Variants in NPAS3 observed in about 807,000 individuals in gnomAD.
NPAS3 encodes the protein neuronal PAS domain-containing protein 3.
In NPAS3, 14 loss-of-function variants were observed where a neutral mutation model predicts 73.1. That is an observed-to-expected ratio of 0.19 (90% CI 0.13 to 0.30). NPAS3 has a LOEUF of 0.30. NPAS3 is among the 10% of genes least tolerant of loss of function. The pLI, the probability that NPAS3 is intolerant of heterozygous loss-of-function variation, is 1.00. For synonymous variants in NPAS3, 620 were observed against 541.5 expected (o/e 1.14, Z -2.01); for missense variants, 1,096 against 1,250.0 (o/e 0.88, Z 1.86).
exon 9 of NPAS3, chr14:33,778,496 A>G (rs1161724809): frequency 1.2e-6 from 2 of 1,613,246 alleles, no homozygotes; most frequent in East Asian, 4.5e-5. Context: ...TGACCCCTGT[A>G]GATATCGTAG....
At chr14:33,072,285 G>A (rs1286028358) in intron 2 of NPAS3, among the ~76,000 whole-genome samples, 3 of 152,090 alleles carry the variant, frequency 2.0e-5, no homozygotes, top group Non-Finnish European at 4.4e-5. Flanking sequence ...ACTAATTTAT[G>A]GGAACCACAC....
chr14:33,008,262 A>T (rs1287173769), intron 1 of NPAS3, among the ~76,000 whole-genome samples: 2 of 152,226 alleles, frequency 1.3e-5, no homozygotes, highest in Non-Finnish European at 2.9e-5. Context: ...GTATTATTTT[A>T]CTGACAAGGA....
At chr14:33,425,710 A>T (rs2048528916) in intron 4 of NPAS3, among the ~76,000 whole-genome samples, 2 of 152,066 alleles carry the variant, frequency 1.3e-5, no homozygotes, top group Non-Finnish European at 2.9e-5. Context: ...GATTTTCCTC[A>T]TTCCTACTCT....
chr14:33,548,538 C>T (rs1048088691), intron 4 of NPAS3, among the ~76,000 whole-genome samples: 2 of 152,202 alleles, frequency 1.3e-5, no homozygotes, highest in Non-Finnish European at 2.9e-5. Context: ...ATTATTGGTA[C>T]AGCAAATCCC....
chr14:33,253,406 T>C (rs2048661461), intron 3 of NPAS3, among the ~76,000 whole-genome samples: 1 of 152,064 alleles, frequency 6.6e-6, no homozygotes, highest in Non-Finnish European at 1.5e-5. Flanking sequence ...ATTCCCAAGC[T>C]AGTGATTTTT....
chr14:33,774,125 C>CT (rs2062738154), intron 7 of NPAS3, among the ~76,000 whole-genome samples: 1 of 152,318 alleles, frequency 6.6e-6, no homozygotes, highest in African/African-American at 2.4e-5. Context: ...CATAAGAATG[C>CT]TGCCTTGAGG....
chr14:33,603,631 A>G (rs534756194), intron 5 of NPAS3, among the ~76,000 whole-genome samples: 1 of 152,338 alleles, frequency 6.6e-6, no homozygotes, highest in East Asian at 1.9e-4. Flanking sequence ...CAGATTTCTC[A>G]TAGGAAGTTG....
chr14:33,010,407 T>G (rs191350258), intron 1 of NPAS3, among the ~76,000 whole-genome samples: 1 of 152,324 alleles, frequency 6.6e-6, no homozygotes, highest in Admixed American at 6.5e-5. Flanking sequence ...GACAAGCCAG[T>G]TCTCCTTCAC....
At chr14:33,137,694 C>T (rs1232366760) in intron 2 of NPAS3, among the ~76,000 whole-genome samples, 1 of 152,108 alleles carries the variant, frequency 6.6e-6, no homozygotes, top group African/African-American at 2.4e-5. Context: ...ATTTATAATA[C>T]TGTCAGTAAT....
At chr14:32,999,278 A>G (rs1217924983) in intron 1 of NPAS3, among the ~76,000 whole-genome samples, 4 of 152,118 alleles carry the variant, frequency 2.6e-5, no homozygotes, top group Admixed American at 1.3e-4. Flanking sequence ...TTGGGAGGCC[A>G]AGGTGGGCAG....
chr14:33,339,179 G>T (rs10143674), intron 3 of NPAS3, among the ~76,000 whole-genome samples: 2 of 152,044 alleles, frequency 1.3e-5, no homozygotes, highest in African/African-American at 4.8e-5. Context: ...TTATTGTTAC[G>T]CTAAATGTTA....
intron 5 of NPAS3, among the ~76,000 whole-genome samples, chr14:33,587,783 C>G (rs1212429675): frequency 6.6e-6 from 1 of 152,088 alleles, no homozygotes; most frequent in Non-Finnish European, 1.5e-5. Context: ...TAATCTTGAC[C>G]AATTAAAAGA....
chr14:33,476,948 T>G (rs2051063518), intron 4 of NPAS3, among the ~76,000 whole-genome samples: 1 of 152,336 alleles, frequency 6.6e-6, no homozygotes, highest in East Asian at 1.9e-4. Context: ...TATCTCTTTC[T>G]AAAATCTTAA....
At chr14:33,546,696 C>G (rs1437149455) in intron 4 of NPAS3, among the ~76,000 whole-genome samples, 1 of 152,126 alleles carries the variant, frequency 6.6e-6, no homozygotes, top group African/African-American at 2.4e-5. Flanking sequence ...TAAAGACTTG[C>G]CTTTTGAAAA....
At chr14:32,986,256 T>G (rs2038093254) in intron 1 of NPAS3, among the ~76,000 whole-genome samples, 1 of 152,232 alleles carries the variant, frequency 6.6e-6, no homozygotes, top group Non-Finnish European at 1.5e-5. Flanking sequence ...TAGCTTGTGT[T>G]TTGAGAACAG....
chr14:33,637,849 T>C (rs2058566753), intron 5 of NPAS3, among the ~76,000 whole-genome samples: 2 of 152,196 alleles, frequency 1.3e-5, no homozygotes, highest in South Asian at 4.1e-4. Context: ...TTGCACTAAA[T>C]ATGATGGTTG....
intron 3 of NPAS3, among the ~76,000 whole-genome samples, chr14:33,266,929 A>ATGAG (rs2040843838): frequency 6.6e-6 from 1 of 152,208 alleles, no homozygotes; most frequent in Non-Finnish European, 1.5e-5. Context: ...GCTGCCTTAA[A>ATGAG]AAATTCTCTC....
At chr14:33,744,553 G>A (rs200659604) in intron 7 of NPAS3, among the ~76,000 whole-genome samples, 5 of 151,414 alleles carry the variant, frequency 3.3e-5, no homozygotes, top group East Asian at 3.9e-4. Flanking sequence ...TCTGGGAGGC[G>A]AAGGTGGGAG....
chr14:33,502,272 AT>A (rs34556992), intron 4 of NPAS3, among the ~76,000 whole-genome samples: 40,462 of 149,666 alleles, frequency 0.27, 5,744 homozygotes, highest in African/African-American at 0.31. Context: ...GCTCTCCCCC[AT>A]TTTTTTTTTA....
Sources: allele counts gnomAD v4.1 joint callset (sites outside exome capture counted in the v4.1 genomes callset), GRCh38; gene constraint gnomAD v4.1.1; transcripts MANE v1.5; gene names NCBI Gene and HGNC (gene_info 2026-07-23, HGNC 2026-07-21).